The following TMEM223 variants were observed in gnomAD, a reference collection of about 807,000 sequenced individuals.
TMEM223 encodes the protein transmembrane protein 223.
Under a neutral mutation model 14.1 loss-of-function variants are expected in TMEM223, and 14 were observed. That is an observed-to-expected ratio of 0.99 (90% CI 0.66 to 1.55). The LOEUF (loss-of-function observed/expected upper bound fraction) is 1.55. Ranked by LOEUF, TMEM223 falls within the 40% of genes most tolerant of loss-of-function variation. The probability of loss-of-function intolerance (pLI) is 0.00; values close to 1 mark genes in which losing one functional copy is unlikely to be tolerated. For missense variants in TMEM223, 346 were observed against 269.9 expected (o/e 1.28, Z -1.97); for synonymous variants, 145 against 120.5 (o/e 1.20, Z -1.33).
chr11:62,787,524 C>T (rs751944660), downstream of TMEM223: 3 of 1,568,748 alleles, frequency 1.9e-6, no homozygotes, highest in African/African-American at 4.1e-5. Context: ...TGACTCGGAC[C>T]CAGGTGCGGC....
At position 62,790,447 on chromosome 11, in the gene TMEM223, T is replaced by A. The variant is rs527301035; in HGVS notation, c.*176A>T. 1 of 618,722 alleles carries A rather than the reference T, an allele frequency of 1.6e-6. No individual in the cohort carries two copies. The highest frequency in any genetic ancestry group is 3.0e-5 in the East Asian group (1 of 33,872). The allele number at this position is 618,722 out of a possible 1,614,324, so 38.3% of individuals were successfully genotyped here. ...AAGATTGGCGTTTTTTTTTGTTTTT[T>A]TTTTTGTAAATAGAGACAAGGTCTC... is the stretch of plus-strand genomic sequence containing the variant. On this transcript the variant is annotated 3_prime_UTR_variant, in exon 2 of 2. Coordinates refer to ENST00000307366, the MANE Select transcript of TMEM223 (RefSeq NM_001080501.3).
At chr11:62,774,222 G>A (rs533166143) in intron 2 of TMEM223, among the ~76,000 whole-genome samples, 131 of 152,040 alleles carry the variant, frequency 8.6e-4, no homozygotes, top group Non-Finnish European at 1.4e-3. Flanking sequence ...GACTACAGGC[G>A]CCCGCCACCA....
At position 62,790,843 on chromosome 11, in the gene TMEM223, C is replaced by T. The variant is rs776912528; in HGVS notation, c.389G>A (p.Gly130Glu). 6.2e-7 allele frequency: 1 copy of T among 1,604,936 alleles called. No individual in the cohort carries two copies. The highest frequency in any genetic ancestry group is 1.1e-5 in the South Asian group (1 of 89,426). ...SVRSVVLRAG[G>E]QQVTLTTHAP... ...ATGAGTGGTGAGGGTCACCTGCTGC[C>T]CTCCAGCTCGAAGCACCACTGAGCG... The change falls in exon 2 of 2, where the codon GGG becomes GAG. Residue 130 changes from glycine to glutamate, a missense_variant. Transcript: ENST00000307366.
downstream of TMEM223, chr11:62,787,315 C>A (rs752585819): frequency 3.0e-5 from 46 of 1,526,814 alleles, no homozygotes; most frequent in Non-Finnish European, 3.9e-5. Flanking sequence ...CCCCTTCGTT[C>A]CTTGTAAATA....
downstream of TMEM223, chr11:62,789,890 C>G: frequency 6.2e-7 from 1 of 1,613,332 alleles, no homozygotes. Flanking sequence ...CTACAGACCT[C>G]TTCTTGGGTG....
chr11:62,772,203 C>T (rs1311703235), intron 2 of TMEM223: 3 of 454,356 alleles, frequency 6.6e-6, no homozygotes, highest in Non-Finnish European at 1.3e-5. Flanking sequence ...ATATAAAGCA[C>T]TTAGCTGTGT....
rs931342293 is a variant in TMEM223 at position 62,790,402 on chromosome 11, C to A, written c.*221G>T. 5.3e-6 allele frequency: 3 copies of A among 570,208 alleles called. No homozygotes were observed. The highest frequency in any genetic ancestry group is 9.1e-6 in the Non-Finnish European group (3 of 328,442). 35.3% of individuals were successfully genotyped at this position (570,208 alleles called of 1,614,324 possible). A position where few individuals can be genotyped will look rare whatever the true frequency, so the allele number is the denominator to read the frequency against. ...ATGAATCTTGACCTCCTTGTGTGAC[C>A]CTGGTTGTTACTCCATTCTAAGATT... On this transcript the variant is annotated 3_prime_UTR_variant, in exon 2 of 2. Coordinates refer to ENST00000307366, the MANE Select transcript of TMEM223 (RefSeq NM_001080501.3).
At chr11:62,778,066 A>G (rs2084200354) in intron 1 of TMEM223, 1 of 1,614,002 alleles carries the variant, frequency 6.2e-7, no homozygotes. Context: ...CGAGAGGTGA[A>G]CCTGGTGGAG....
chr11:62,782,485 C>T, intron 1 of TMEM223: 2 of 1,039,406 alleles, frequency 1.9e-6, no homozygotes, highest in Non-Finnish European at 2.8e-6. Context: ...CTGTGACACA[C>T]TGGGATTCTG....
At chr11:62,787,313 T>A (rs764794384), downstream of TMEM223, 1 of 1,528,772 alleles carries the variant, frequency 6.5e-7, no homozygotes, top group Non-Finnish European at 8.7e-7. Flanking sequence ...GGCCCCTTCG[T>A]TCCTTGTAAA....
Position 62,790,791 on chromosome 11 carries a change from G to T in TMEM223, c.441C>A (p.Phe147Leu). ...AAGATACCTGCTTCAAAGGAACTGT[G>T]AAATGGGCCCCCAAGCCAAAGGGGG... ...THAPFGLGAH[F>L]TVPLKQVSCM... The change falls in exon 2 of 2, where the codon TTC becomes TTA. Residue 147 changes from phenylalanine to leucine, a missense_variant. Transcript: ENST00000307366. 6.2e-7 allele frequency: 1 copy of T among 1,607,524 alleles called. No individual in the cohort carries two copies. Among genetic ancestry groups the T allele is most frequent in the Non-Finnish European group, 8.5e-7 (1 of 1,176,850 alleles).
chr11:62,771,954 C>A (rs1304398796), exon 3 of TMEM223: 1 of 366,278 alleles, frequency 2.7e-6, no homozygotes, highest in Non-Finnish European at 5.4e-6. Context: ...CAATCCATGT[C>A]TTTGGGGTGG....
chr11:62,791,857 G>A lies in TMEM223; in HGVS notation c.138C>T (p.Thr46=), dbSNP rs764067665. The change falls in exon 1 of 2, where the codon ACC becomes ACT. Residue 46 remains threonine, a synonymous_variant. Transcript: ENST00000307366. ...LFEHDRGRFF[T]ILGLFCAGQG... is the part of the protein sequence containing the mutation. ...GGCCCGCGCAGAACAGCCCGAGGAT[G>A]GTGAAGAAGCGGCCCCGATCATGCT... 1 of 1,593,174 alleles carries A rather than the reference G, an allele frequency of 6.3e-7. No individual in the cohort carries two copies. The highest frequency in any genetic ancestry group is 1.1e-5 in the South Asian group (1 of 87,674).
At chr11:62,780,059 T>C (rs1396215919) in intron 1 of TMEM223, among the ~76,000 whole-genome samples, 4 of 148,170 alleles carry the variant, frequency 2.7e-5, no homozygotes, top group African/African-American at 1.0e-4. Context: ...CAATCCTTCC[T>C]TGGCCTCCCA....
chr11:62,780,929 T>G (rs1209415428), intron 1 of TMEM223, among the ~76,000 whole-genome samples: 5 of 105,892 alleles, frequency 4.7e-5, no homozygotes, highest in African/African-American at 1.5e-4. Flanking sequence ...AGAGTGAGAC[T>G]CCATCTCAAA....
chr11:62,776,482 G>C (rs1338781049), intron 1 of TMEM223: 1 of 1,612,704 alleles, frequency 6.2e-7, no homozygotes, highest in African/African-American at 1.3e-5. Context: ...TGAGTGGGGT[G>C]CAGGCTACAG....
downstream of TMEM223, chr11:62,782,622 T>G: frequency 3.8e-6 from 6 of 1,579,114 alleles, no homozygotes; most frequent in Non-Finnish European, 5.2e-6. Flanking sequence ...CTATTCTCTT[T>G]GTGTTGTCTT....
chr11:62,777,871 T>G, intron 1 of TMEM223: 1 of 1,345,414 alleles, frequency 7.4e-7, no homozygotes, highest in East Asian at 2.4e-5. Context: ...CTTCTGGACT[T>G]CCTTCAAACG....
intron 1 of TMEM223, chr11:62,778,480 C>T: frequency 1.0e-6 from 1 of 955,666 alleles, no homozygotes; most frequent in Non-Finnish European, 1.6e-6. Flanking sequence ...GCGCTGGGCT[C>T]TGCATGGAGG....
Sources: allele counts gnomAD v4.1 joint callset (sites outside exome capture counted in the v4.1 genomes callset), GRCh38; gene constraint gnomAD v4.1.1; transcripts MANE v1.5; gene names NCBI Gene and HGNC (gene_info 2026-07-23, HGNC 2026-07-21).